PARD3: variants seen among roughly 807,000 people sequenced by gnomAD.
PARD3 encodes the protein par-3 family cell polarity regulator, also known as partitioning defective 3 homolog.
In PARD3, 75 loss-of-function variants were observed where a neutral mutation model predicts 155.4. That is an observed-to-expected ratio of 0.48 (90% confidence interval 0.40 to 0.58). The LOEUF (loss-of-function observed/expected upper bound fraction) is 0.58. PARD3 is among the 20% of genes least tolerant of loss of function. The probability of loss-of-function intolerance (pLI) is 0.00; values close to 1 mark genes in which losing one functional copy is unlikely to be tolerated. For missense variants in PARD3, 1,642 were observed against 1,721.7 expected (o/e 0.95, Z 0.82); for synonymous variants, 576 against 610.5 (o/e 0.94, Z 0.83).
At chr10:34,253,911 G>A (rs767481298) in intron 22 of PARD3, among the ~76,000 whole-genome samples, 48 of 152,074 alleles carry the variant, frequency 3.2e-4, no homozygotes, top group East Asian at 5.8e-4. Flanking sequence ...GTGGTATGAC[G>A]GGCAGCAGAG....
chr10:34,725,997 T>C (rs990546284), intron 1 of PARD3, among the ~76,000 whole-genome samples: 2 of 152,210 alleles, frequency 1.3e-5, no homozygotes, highest in African/African-American at 4.8e-5. Context: ...GCCATTTGGT[T>C]AAAGTTCTTT....
chr10:34,248,364 A>T (rs749311642), intron 22 of PARD3, among the ~76,000 whole-genome samples: 11 of 152,330 alleles, frequency 7.2e-5, no homozygotes, highest in Non-Finnish European at 1.2e-4. Flanking sequence ...TCCGTCTGTT[A>T]TCTCCCAAAA....
At position 34,289,116 on chromosome 10, in the gene PARD3, T is replaced by C. The variant is rs1956547354; in HGVS notation, c.3066-4871A>G. ...GCTGGGACTACAGGTGCATGGTACC[T>C]ACCATGCTCAGCTAATTTTTGTATT... On this transcript the variant is annotated intron_variant, in intron 20 of 24. Coordinates refer to ENST00000374788, the MANE Select transcript of PARD3 (RefSeq NM_001184785.2). Among the ~76,000 whole-genome samples the C allele has an allele frequency of 2.0e-5, 3 of 151,846 alleles. No homozygotes were observed. In the South Asian group the frequency reaches 6.2e-4, roughly 32 times the overall value.
At chr10:34,517,192 TA>T (rs751650774) in intron 2 of PARD3, 33 bp from the exon 3 acceptor site, 2 of 1,588,216 alleles carry the variant, frequency 1.3e-6, no homozygotes, top group Non-Finnish European at 1.7e-6. Flanking sequence ...CACTTATAAA[TA>T]AAGGCACTTA....
intron 1 of PARD3, among the ~76,000 whole-genome samples, chr10:34,741,063 C>T (rs898637803): frequency 6.6e-6 from 1 of 151,670 alleles, no homozygotes; most frequent in Non-Finnish European, 1.5e-5. Flanking sequence ...TGTGGGTGAA[C>T]AGACCAACAG....
chr10:34,171,318 T>C (rs1035424644), intron 22 of PARD3, among the ~76,000 whole-genome samples: 3 of 152,162 alleles, frequency 2.0e-5, no homozygotes, highest in East Asian at 3.8e-4. Context: ...TCATCACACA[T>C]AGAGAGAGGC....
At chr10:34,596,954 C>G (rs977422756) in intron 2 of PARD3, among the ~76,000 whole-genome samples, 1 of 152,102 alleles carries the variant, frequency 6.6e-6, no homozygotes, top group African/African-American at 2.4e-5. Flanking sequence ...TTAAATATAG[C>G]GAGTGGAAAT....
chr10:34,535,019 G>A (rs140121288), intron 2 of PARD3, among the ~76,000 whole-genome samples: 45 of 152,198 alleles, frequency 3.0e-4, no homozygotes, highest in African/African-American at 9.4e-4. Flanking sequence ...CTCAAAAAAT[G>A]AATCATCCTA....
At chr10:34,492,601 T>C (rs977906527) in intron 3 of PARD3, among the ~76,000 whole-genome samples, 1 of 152,228 alleles carries the variant, frequency 6.6e-6, no homozygotes, top group East Asian at 1.9e-4. Context: ...AAAATAATAT[T>C]TGAAATGTCC....
intron 7 of PARD3, among the ~76,000 whole-genome samples, chr10:34,386,310 T>C (rs1222723366): frequency 6.6e-6 from 1 of 152,178 alleles, no homozygotes; most frequent in East Asian, 1.9e-4. Flanking sequence ...TATAAAGACA[T>C]AAAATTATCT....
intron 5 of PARD3, among the ~76,000 whole-genome samples, chr10:34,424,036 T>C (rs1406372659): frequency 6.6e-6 from 1 of 152,162 alleles, no homozygotes; most frequent in Non-Finnish European, 1.5e-5. Context: ...ACCCTTAAAT[T>C]CCCTTTTATT....
intron 1 of PARD3, among the ~76,000 whole-genome samples, chr10:34,768,380 C>A (rs567329043): frequency 1.3e-5 from 2 of 151,846 alleles, no homozygotes; most frequent in East Asian, 1.9e-4. Context: ...CGGGACAACT[C>A]GAAGCAAAGG....
intron 2 of PARD3, among the ~76,000 whole-genome samples, chr10:34,619,614 G>A (rs1169808992): frequency 9.9e-5 from 15 of 151,950 alleles, no homozygotes; most frequent in Admixed American, 9.8e-4. Flanking sequence ...TAGTCATCTC[G>A]TTTCTCACAC....
intron 2 of PARD3, among the ~76,000 whole-genome samples, chr10:34,525,736 A>AT (rs35522735): frequency 1.8e-4 from 27 of 150,450 alleles, no homozygotes; most frequent in East Asian, 3.9e-4. Flanking sequence ...AAAAAAAAAG[A>AT]TTTTTTTTTT....
chr10:34,428,380 G>A (rs1365210165), intron 5 of PARD3, among the ~76,000 whole-genome samples: 2 of 152,148 alleles, frequency 1.3e-5, no homozygotes, highest in African/African-American at 4.8e-5. Context: ...GCCAGGTGTG[G>A]TGGTGTGTGC....
chr10:34,511,702 C>T (rs1240396966), intron 3 of PARD3, among the ~76,000 whole-genome samples: 1 of 152,000 alleles, frequency 6.6e-6, no homozygotes, highest in Non-Finnish European at 1.5e-5. Flanking sequence ...ACAGTGATAC[C>T]ACTCATACAA....
At chr10:34,743,630 T>C (rs10159506) in intron 1 of PARD3, among the ~76,000 whole-genome samples, 4,715 of 152,258 alleles carry the variant, frequency 0.031, 258 homozygotes, top group African/African-American at 0.11. Context: ...ATCTGCTTTC[T>C]CGAGCCACAA....
intron 22 of PARD3, among the ~76,000 whole-genome samples, chr10:34,185,808 C>CTTCTA (rs1268244861): frequency 7.7e-5 from 9 of 116,990 alleles, no homozygotes; most frequent in Non-Finnish European, 1.1e-4. Context: ...ACAGTAACAT[C>CTTCTA]TTCTATATTA....
intron 22 of PARD3, among the ~76,000 whole-genome samples, chr10:34,237,012 G>A (rs1340765086): frequency 1.3e-5 from 2 of 152,164 alleles, no homozygotes; most frequent in African/African-American, 4.8e-5. Context: ...CAGAGAAGCT[G>A]TAACGGACAG....
Sources: allele counts gnomAD v4.1 joint callset (sites outside exome capture counted in the v4.1 genomes callset), GRCh38; gene constraint gnomAD v4.1.1; transcripts MANE v1.5; gene names NCBI Gene and HGNC (gene_info 2026-07-23, HGNC 2026-07-21).